The following LAMB1 variants were observed in gnomAD, a reference collection of about 807,000 sequenced individuals.
LAMB1 encodes laminin subunit beta 1, also known as laminin subunit beta-1.
Under a neutral mutation model 222.3 loss-of-function variants are expected in LAMB1, and 121 were observed. The ratio of observed to expected loss-of-function variants is 0.54; its 90% confidence interval spans 0.47 to 0.63. The LOEUF (loss-of-function observed/expected upper bound fraction) is 0.63. Among genes scored for constraint, LAMB1 ranks in the 30% least tolerant of loss-of-function variants. The pLI is 0.00. For missense variants in LAMB1, 2,172 were observed against 2,240.8 expected, an observed-to-expected ratio of 0.97 and a Z score of 0.62; for synonymous variants, 794 against 807.2, an observed-to-expected ratio of 0.98 and a Z score of 0.28.
At chr7:107,953,841 T>G in intron 21 of LAMB1, 87 bp from the exon 22 acceptor site, 8 of 1,161,140 alleles carry the variant, frequency 6.9e-6, no homozygotes, top group Non-Finnish European at 1.0e-5. Flanking sequence ...TAGAGAGAGC[T>G]GATCGTGGCG....
intron 27 of LAMB1, 44 bp downstream of exon 27, chr7:107,935,371 T>TG: frequency 8.4e-7 from 1 of 1,195,268 alleles, no homozygotes; most frequent in Non-Finnish European, 1.1e-6. Context: ...TTTTTTTTTT[T>TG]TTGCTTGGCA....
intron 4 of LAMB1, among the ~76,000 whole-genome samples, chr7:107,997,914 C>T (rs1157621917): frequency 6.6e-6 from 1 of 151,976 alleles, no homozygotes; most frequent in East Asian, 1.9e-4. Context: ...CATAGTGTTA[C>T]TATTACTATC....
At chr7:107,943,708 A>G (rs2033047917) in intron 24 of LAMB1, among the ~76,000 whole-genome samples, 1 of 152,088 alleles carries the variant, frequency 6.6e-6, no homozygotes, top group South Asian at 2.1e-4. Flanking sequence ...TTCCCAGGAG[A>G]TACTGATGTT....
intron 20 of LAMB1, among the ~76,000 whole-genome samples, chr7:107,957,103 A>G (rs1159019919): frequency 6.6e-6 from 1 of 152,236 alleles, no homozygotes; most frequent in Non-Finnish European, 1.5e-5. Flanking sequence ...AAAGCTGGAT[A>G]TTCCGGCCAG....
Position 107,951,255 on chromosome 7 carries a change from A to G in LAMB1, c.3362T>C (p.Phe1121Ser). The G allele has an allele frequency of 6.2e-7, 1 of 1,614,206 alleles. No individual in the cohort carries two copies. Among genetic ancestry groups the G allele is most frequent in the Non-Finnish European group, 8.5e-7 (1 of 1,180,020 alleles). Residue 1121 changes from phenylalanine (F) to serine (S), a missense_variant, in exon 24 of 34, where the codon TTC (phenylalanine) becomes TCC (serine). Physicochemically the swap from Phe to Ser is radical, Grantham distance 155. Transcript: ENST00000222399. ...GCACTCCACGTCGGGGTCTCCCCAG[A>G]AGAGTTCCTGGCACTCGCTGCAGGT... ...GRTCSECQEL[F>S]WGDPDVECRA... is the part of the protein sequence containing the mutation.
At chr7:107,976,454 A>C (rs967941383) in intron 9 of LAMB1, among the ~76,000 whole-genome samples, 1 of 152,158 alleles carries the variant, frequency 6.6e-6, no homozygotes, top group Admixed American at 6.5e-5. Context: ...TCCTTCTGCG[A>C]GCCCATTCGG....
At chr7:107,960,102 G>A (rs958416920) in intron 18 of LAMB1, among the ~76,000 whole-genome samples, 1 of 152,134 alleles carries the variant, frequency 6.6e-6, no homozygotes, top group African/African-American at 2.4e-5. Context: ...GACCTTCAGA[G>A]GATGGTCTGA....
chr7:107,972,962 G>C (rs1159149378), intron 13 of LAMB1, 30 bp downstream of exon 13: 1 of 1,546,394 alleles, frequency 6.5e-7, no homozygotes, highest in Non-Finnish European at 8.9e-7. Flanking sequence ...GGAAGACTGA[G>C]GACAAGAGCA....
intron 29 of LAMB1, 145 bp from the exon 30 acceptor site, chr7:107,929,764 C>A: frequency 1.6e-6 from 1 of 644,664 alleles, no homozygotes; most frequent in South Asian, 2.0e-5. Flanking sequence ...AGTTTATAAT[C>A]TATCTGGGAT....
intron 9 of LAMB1, 124 bp downstream of exon 9, chr7:107,977,923 A>C: frequency 9.8e-7 from 1 of 1,018,716 alleles, no homozygotes; most frequent in Admixed American, 2.1e-5. Context: ...ATCAGGGTGA[A>C]GCTGGAAAAA....
intron 5 of LAMB1, among the ~76,000 whole-genome samples, chr7:107,994,562 G>A (rs1272205715): frequency 6.6e-6 from 1 of 152,090 alleles, no homozygotes; most frequent in Admixed American, 6.5e-5. Context: ...AGGGACCAGG[G>A]ATTTACTCTC....
chr7:108,001,718 C>A lies in LAMB1; in HGVS notation c.53G>T (p.Arg18Leu). The A allele has an allele frequency of 6.2e-7, 1 of 1,612,740 alleles. No individual in the cohort carries two copies. The highest frequency in any genetic ancestry group is 8.5e-7 in the Non-Finnish European group (1 of 1,179,868). The change falls in exon 3 of 34, where the codon CGA becomes CTA. Residue 18 changes from arginine to leucine, a missense_variant. Coordinates refer to ENST00000222399, the MANE Select transcript of LAMB1 (RefSeq NM_002291.3). ...GAACTCGGGTTCCTGAGCGCGCACT[C>A]GGGCTCTGCACAGGGCTGCGGGAAG... Reference protein sequence around the residue: ...AFSFLALCRARVRAQEPEFSY... With the variant: ...AFSFLALCRALVRAQEPEFSY...
intron 18 of LAMB1, 72 bp from the exon 19 acceptor site, chr7:107,959,906 CT>C: frequency 6.6e-7 from 1 of 1,520,642 alleles, no homozygotes; most frequent in Middle Eastern, 1.8e-4. Flanking sequence ...ATCCTTTCTC[CT>C]TTAACTACTT....
At position 107,986,328 on chromosome 7, in the gene LAMB1, C is replaced by A; in HGVS notation, c.459G>T (p.Ser153=). 1 of 1,608,304 alleles carries A rather than the reference C, an allele frequency of 6.2e-7. No individual in the cohort carries two copies. The highest frequency in any genetic ancestry group is 1.1e-5 in the South Asian group (1 of 90,646). The change falls in exon 6 of 34, where the codon TCG becomes TCT. Residue 153 remains serine, a synonymous_variant. Coordinates refer to ENST00000222399, the MANE Select transcript of LAMB1 (RefSeq NM_002291.3). ...CACCCCAGGTTTTCCCAAAGTCGGA[C>A]GATCGTTCTATCAGCATAGCAGCTG... ...FRPAAMLIER[S]SDFGKTWGVY...
At chr7:107,934,236 CTG>C (rs2032784283) in intron 27 of LAMB1, among the ~76,000 whole-genome samples, 1 of 152,142 alleles carries the variant, frequency 6.6e-6, no homozygotes, top group Non-Finnish European at 1.5e-5. Flanking sequence ...TCAATAAACA[CTG>C]TCTTATATTG....
chr7:108,001,638 C>T lies in LAMB1; in HGVS notation c.133G>A (p.Gly45Ser). The change falls in exon 3 of 34, where the codon GGC becomes AGC. Residue 45 changes from glycine to serine, a missense_variant. Physicochemically the swap from Gly to Ser is moderately conservative, Grantham distance 56 (BLOSUM62 0). Coordinates refer to ENST00000222399, the MANE Select transcript of LAMB1 (RefSeq NM_002291.3). ...CYPATGDLLI[G>S]RAQKLSVTST... is the part of the protein sequence containing the mutation. ...GTCACCGAAAGCTTCTGTGCTCGGC[C>T]GATGAGAAGGTCGCCCGTGGCGGGA... The T allele has an allele frequency of 6.2e-7, 1 of 1,613,208 alleles. No homozygotes were observed. The highest frequency in any genetic ancestry group is 2.2e-5 in the East Asian group (1 of 44,852).
In LAMB1 at chr7:107,999,146, C is replaced by A. The variant is rs74766973; in HGVS notation, c.214-654G>T. Reference sequence around the variant, plus strand: ...TATAATCTGGGGCCAGTTCAAAGAACCCCAACATGGGCATGAACTAGGATG... The same window carrying A: ...TATAATCTGGGGCCAGTTCAAAGAAACCCAACATGGGCATGAACTAGGATG... On this transcript the variant is annotated intron_variant, in intron 3 of 33. Coordinates refer to ENST00000222399, the MANE Select transcript of LAMB1 (RefSeq NM_002291.3). Among the ~76,000 whole-genome samples, 71 of 152,316 alleles carry A rather than the reference C, an allele frequency of 4.7e-4. No individual in the cohort carries two copies. The East Asian group carries it at 0.013, about 29-fold the overall frequency.
At chr7:107,941,180 A>G (rs2032973281) in intron 24 of LAMB1, among the ~76,000 whole-genome samples, 2 of 152,226 alleles carry the variant, frequency 1.3e-5, no homozygotes, top group African/African-American at 4.8e-5. Flanking sequence ...GTACAGGACA[A>G]AATGTGTTCT....
chr7:107,977,983 T>C, intron 9 of LAMB1, 64 bp downstream of exon 9: 1 of 1,591,310 alleles, frequency 6.3e-7, no homozygotes, highest in Non-Finnish European at 8.6e-7. Context: ...TTACAGTACC[T>C]CTAATTAGGA....
Sources: allele counts gnomAD v4.1 joint callset (sites outside exome capture counted in the v4.1 genomes callset), GRCh38; gene constraint gnomAD v4.1.1; transcripts MANE v1.5; gene names NCBI Gene and HGNC (gene_info 2026-07-23, HGNC 2026-07-21).